The following CELA1 variants were observed in gnomAD, a reference collection of about 807,000 sequenced individuals.
The protein encoded by CELA1 is chymotrypsin-like elastase family member 1.
A neutral mutation model predicts 34.8 loss-of-function variants in CELA1; 28 were observed. The observed-to-expected ratio is 0.80, with a 90% CI of 0.60 to 1.10. CELA1 has a LOEUF of 1.10. CELA1 is among the 50% of genes least tolerant of loss of function. CELA1 has a pLI of 0.00. For missense variants in CELA1, 288 were observed against 327.5 expected (o/e 0.88, Z 0.93); for synonymous variants, 140 against 129.8 (o/e 1.08, Z -0.53).
At chr12:51,329,606 C>T (rs1473180846) in intron 7 of CELA1, 78 bp downstream of exon 7, 8 of 1,429,590 alleles carry the variant, frequency 5.6e-6, no homozygotes, top group Non-Finnish European at 6.6e-6. Flanking sequence ...CCAGTCCATC[C>T]AACGTTTGTT....
chr12:51,330,969 C>CAA lies in CELA1; in HGVS notation c.610-1138_610-1137dup, dbSNP rs201798953. Among the ~76,000 whole-genome samples, 756 of 79,042 alleles carry CAA rather than the reference C, an allele frequency of 9.6e-3. 20 individuals carry two copies. The highest frequency in any genetic ancestry group is 0.038 in the African/African-American group (621 of 16,412). The allele number at this position is 79,042 out of a possible 152,430, so 51.9% of individuals were successfully genotyped here. On this transcript the variant is annotated intron_variant, in intron 6 of 7. Transcript: ENST00000293636. ...TGGGCGACAGAGTGAGACTCTGTCT[C>CAA]AAAAAAAAAAAAAAAAAAGGAATTC... is the stretch of plus-strand genomic sequence containing the variant.
intron 6 of CELA1, among the ~76,000 whole-genome samples, chr12:51,332,822 G>A (rs952774255): frequency 6.6e-6 from 1 of 152,076 alleles, no homozygotes; most frequent in Non-Finnish European, 1.5e-5. Flanking sequence ...TCACGCTACC[G>A]TACTCCAGCC....
chr12:51,341,170 G>GA (rs1446886160), intron 5 of CELA1, 74 bp downstream of exon 5: 1 of 1,553,250 alleles, frequency 6.4e-7, no homozygotes, highest in Non-Finnish European at 8.9e-7. Context: ...TAGGACCACA[G>GA]AAAAAGGTGT....
chr12:51,346,674 G>C lies in CELA1; in HGVS notation c.-36C>G. ...GAGTAGACCACTGCCTTCTTGCTTG[G>C]ACCAAGCCCTCTTTATACTCCTCTT... On this transcript the variant is annotated 5_prime_UTR_variant, in exon 1 of 8. Transcript: ENST00000293636. The C allele has an allele frequency of 2.5e-6, 4 of 1,594,530 alleles. No individual in the cohort carries two copies. Among genetic ancestry groups the C allele is most frequent in the Non-Finnish European group, 2.6e-6 (3 of 1,165,898 alleles).
intron 5 of CELA1, 43 bp from the exon 6 acceptor site, chr12:51,340,048 T>A: frequency 1.3e-6 from 2 of 1,577,514 alleles, no homozygotes; most frequent in Non-Finnish European, 1.7e-6. Flanking sequence ...CCAGATGTGG[T>A]CCAGCAGAAA....
intron 6 of CELA1, among the ~76,000 whole-genome samples, chr12:51,330,388 A>T (rs980151350): frequency 9.9e-5 from 15 of 152,198 alleles, no homozygotes; most frequent in Admixed American, 8.5e-4. Flanking sequence ...ATGGAATATG[A>T]TCTTGCCTCC....
intron 6 of CELA1, among the ~76,000 whole-genome samples, chr12:51,334,789 A>G (rs1946491865): frequency 6.6e-6 from 1 of 151,690 alleles, no homozygotes; most frequent in African/African-American, 2.4e-5. Context: ...TCTCTCCTCC[A>G]TCTAGTTTGG....
At chr12:51,329,926 A>G (rs997922729) in intron 6 of CELA1, 93 bp from the exon 7 acceptor site, 61 of 1,250,766 alleles carry the variant, frequency 4.9e-5, no homozygotes, top group Non-Finnish European at 6.4e-5. Flanking sequence ...GAAATTCTGT[A>G]CGGTTTTAAA....
rs756759654 is a variant in CELA1 at position 51,342,603 on chromosome 12, A to G, written c.298T>C (p.Tyr100His). 18 of 1,614,004 alleles carry G rather than the reference A, an allele frequency of 1.1e-5. No individual in the cohort carries two copies. In the Admixed American group the frequency reaches 2.2e-4, roughly 19 times the overall value. Residue 100 changes from tyrosine to histidine, a missense_variant, in exon 4 of 8, where the codon TAC becomes CAC. Tyr to His is a moderately conservative substitution (Grantham distance 83). Transcript: ENST00000293636. ...GCAGCCACGTTATCGCTGTTCCAGT[A>G]TGGATGCACCACGATCTTCTGCACA... ...VSVQKIVVHP[Y>H]WNSDNVAAGY...
chr12:51,331,233 A>G (rs987086201), intron 6 of CELA1, among the ~76,000 whole-genome samples: 1 of 151,590 alleles, frequency 6.6e-6, no homozygotes, highest in Admixed American at 6.6e-5. Flanking sequence ...TATTAAAAAT[A>G]CAAAAATTAG....
intron 6 of CELA1, among the ~76,000 whole-genome samples, chr12:51,335,975 G>A (rs1349104875): frequency 1.3e-5 from 2 of 151,886 alleles, no homozygotes; most frequent in Non-Finnish European, 2.9e-5. Flanking sequence ...CTTACCCTTC[G>A]GACAAGCTTC....
At chr12:51,339,237 C>T (rs867529099) in intron 6 of CELA1, among the ~76,000 whole-genome samples, 6 of 151,190 alleles carry the variant, frequency 4.0e-5, no homozygotes, top group African/African-American at 1.2e-4. Context: ...TCAGCTGCAT[C>T]GCTGCCATTA....
Sources: gnomAD v4.1 joint callset for allele counts (sites outside exome capture counted in the v4.1 genomes callset) on GRCh38, gnomAD v4.1.1 for gene constraint, MANE v1.5 for transcripts, NCBI Gene and HGNC (gene_info 2026-07-23, HGNC 2026-07-21) for gene names.